STARD8: variants seen among roughly 807,000 people sequenced by gnomAD.
The protein encoded by STARD8 is StAR related lipid transfer domain containing 8.
A neutral mutation model predicts 69.4 loss-of-function variants in STARD8; 25 were observed. The ratio of observed to expected loss-of-function variants is 0.36; its 90% CI spans 0.26 to 0.50. STARD8 has a LOEUF of 0.50. Among genes scored for constraint, STARD8 ranks in the 20% least tolerant of loss-of-function variants. STARD8 has a pLI of 0.96. For synonymous variants in STARD8, 389 were observed against 374.6 expected (o/e 1.04, Z -0.45); for missense variants, 921 against 932.5 (o/e 0.99, Z 0.16).
chrX:68,724,268 A>G, intron 14 of STARD8, 37 bp from the exon 15 acceptor site: 1 of 1,197,920 alleles, frequency 8.3e-7, no homozygotes. Context: ...CTGGGGAAAA[A>G]TCCATTGCTC....
chrX:68,689,895 C>T (rs987299874), intron 2 of STARD8, among the ~76,000 whole-genome samples: 25 of 110,484 alleles, frequency 2.3e-4, no homozygotes, highest in African/African-American at 7.3e-4. Flanking sequence ...CTTTTCAAAC[C>T]CCTCCCCACC....
intron 2 of STARD8, among the ~76,000 whole-genome samples, chrX:68,673,587 G>A (rs1035140013): frequency 8.9e-6 from 1 of 112,012 alleles, no homozygotes; most frequent in African/African-American, 3.3e-5. Flanking sequence ...AACCCCTACT[G>A]TTCTTTTCAG....
At chrX:68,672,631 G>A (rs1197846425) in intron 2 of STARD8, among the ~76,000 whole-genome samples, 2 of 111,281 alleles carry the variant, frequency 1.8e-5, no homozygotes, top group African/African-American at 6.6e-5. Flanking sequence ...GTCAGAAGCA[G>A]AGCCGTTCCC....
intron 7 of STARD8, 53 bp downstream of exon 7, chrX:68,719,451 TC>T (rs2080128764): frequency 9.1e-7 from 1 of 1,099,796 alleles, no homozygotes. Context: ...CAGGTCCACG[TC>T]CCCAGGCAGG....
intron 1 of STARD8, among the ~76,000 whole-genome samples, chrX:68,653,008 C>CAA (rs2079567534): frequency 5.7e-5 from 1 of 17,619 alleles, no homozygotes; most frequent in Non-Finnish European, 1.1e-4. Context: ...CACACACACA[C>CAA]CACCACACAC....
At chrX:68,689,543 C>T (rs2079860649) in intron 2 of STARD8, among the ~76,000 whole-genome samples, 1 of 112,660 alleles carries the variant, frequency 8.9e-6, no homozygotes, top group Non-Finnish European at 1.9e-5. Context: ...GGTTATCCAG[C>T]TCCACCTGCC....
chrX:68,717,534 G>T lies in STARD8; in HGVS notation c.620G>T (p.Arg207Leu). 1 of 1,211,134 alleles carries T rather than the reference G, an allele frequency of 8.3e-7. No individual in the cohort carries two copies. ...AAAGCCAAGAAGCGCCATCGTAACC[G>T]TAGCTTCCTCAAGCACCTTGAATCT... ...QDKAKKRHRNRSFLKHLESLR... is the reference protein window; with the variant it reads ...QDKAKKRHRNLSFLKHLESLR... The change falls in exon 6 of 15, where the codon CGT (arginine) becomes CTT (leucine). Residue 207 changes from arginine (R) to leucine (L), a missense_variant. Transcript: ENST00000374599.
intron 1 of STARD8, among the ~76,000 whole-genome samples, chrX:68,662,237 G>A (rs941878912): frequency 3.9e-4 from 43 of 109,818 alleles, no homozygotes; most frequent in Non-Finnish European, 7.4e-4. Context: ...TCGAACTCCC[G>A]ACCTCAGGGG....
chrX:68,650,484 AG>A (rs1343562728), intron 1 of STARD8, among the ~76,000 whole-genome samples: 1 of 54,107 alleles, frequency 1.8e-5, no homozygotes, highest in African/African-American at 5.6e-4. Flanking sequence ...GGAGGAGGGG[AG>A]GAGGAGGAGG....
chrX:68,699,049 T>C (rs2079945083), intron 2 of STARD8, among the ~76,000 whole-genome samples: 1 of 112,062 alleles, frequency 8.9e-6, no homozygotes, highest in African/African-American at 3.3e-5. Flanking sequence ...CAGTTTGCTC[T>C]CTGGCCCCTC....
intron 1 of STARD8, among the ~76,000 whole-genome samples, chrX:68,658,841 T>C (rs1224537863): frequency 3.6e-5 from 4 of 112,433 alleles, no homozygotes; most frequent in Non-Finnish European, 7.5e-5. Context: ...GCTGCTGCTG[T>C]CAGGGCCCTT....
intron 2 of STARD8, among the ~76,000 whole-genome samples, chrX:68,670,202 G>A (rs1460776965): frequency 8.9e-6 from 1 of 111,915 alleles, no homozygotes; most frequent in Admixed American, 9.4e-5. Context: ...ATCTAGTCTC[G>A]TCTCCATCAT....
At position 68,665,924 on chromosome X, in the gene STARD8, A is replaced by G. The variant is rs140237968; in HGVS notation, c.79+392A>G. ...GGTAAGTGGAGGGTAAAGGAAGGAG[A>G]CTTGGAATTTGGGGTTCAGTGTCTG... On this transcript the variant is annotated intron_variant, in intron 2 of 14. Transcript: ENST00000374599. Among the ~76,000 whole-genome samples the G allele has an allele frequency of 7.1e-5, 8 of 111,902 alleles. No individual in the cohort carries two copies. In the East Asian group the frequency reaches 2.3e-3, roughly 32 times the overall value.
At position 68,723,711 on chromosome X, in the gene STARD8, G is replaced by A. The variant is rs768839540; in HGVS notation, c.2885G>A (p.Arg962Gln). Residue 962 changes from arginine to glutamine, a missense_variant, in exon 13 of 15, where the codon CGG (arginine) becomes CAG (glutamine). Coordinates refer to ENST00000374599, the MANE Select transcript of STARD8 (RefSeq NM_001142503.3). ...PPAVVLHRVL[R>Q]ERALWDEDLL... ...GCTGTGGTGCTGCATCGTGTTCTCC[G>A]GGAGCGGGCCCTCTGGGATGAGGAT... 1.3e-5 allele frequency: 16 copies of A among 1,193,163 alleles called. No homozygotes were observed. Among genetic ancestry groups the A allele is most frequent in the East Asian group, 6.1e-5 (2 of 32,862 alleles).
chrX:68,679,931 A>G (rs991038173), intron 2 of STARD8, among the ~76,000 whole-genome samples: 6 of 111,320 alleles, frequency 5.4e-5, no homozygotes, highest in African/African-American at 2.0e-4. Flanking sequence ...GGGAGGTAAG[A>G]GGGGTAGACT....
At chrX:68,654,283 C>T (rs2079598057) in intron 1 of STARD8, among the ~76,000 whole-genome samples, 1 of 111,362 alleles carries the variant, frequency 9.0e-6, no homozygotes, top group South Asian at 3.8e-4. Flanking sequence ...AAAATCCAAA[C>T]ACAACTTGTC....
chrX:68,694,115 G>A (rs1006207751), intron 2 of STARD8, among the ~76,000 whole-genome samples: 5 of 113,130 alleles, frequency 4.4e-5, no homozygotes, highest in African/African-American at 1.3e-4. Context: ...TGTTACCGCC[G>A]GGCCCGTGGG....
chrX:68,660,428 G>T (rs769280716), intron 1 of STARD8, among the ~76,000 whole-genome samples: 6 of 111,598 alleles, frequency 5.4e-5, no homozygotes, highest in Non-Finnish European at 9.4e-5. Flanking sequence ...ATCCTCCAGG[G>T]CTGTAGCACC....
At chrX:68,693,687 C>G in intron 2 of STARD8, 1 of 755,047 alleles carries the variant, frequency 1.3e-6, no homozygotes, top group Non-Finnish European at 1.6e-6. Context: ...GCGGCAGCTG[C>G]TCTTCTGGCT....
Sources: gnomAD v4.1 joint callset for allele counts (sites outside exome capture counted in the v4.1 genomes callset) on GRCh38, gnomAD v4.1.1 for gene constraint, MANE v1.5 for transcripts, NCBI Gene and HGNC (gene_info 2026-07-23, HGNC 2026-07-21) for gene names.